Variants in PAPOLG observed in about 807,000 individuals in gnomAD.
The protein encoded by PAPOLG is poly(A) polymerase gamma.
In PAPOLG, 40 loss-of-function variants were observed where a neutral mutation model predicts 99.0. The observed-to-expected ratio is 0.40, with a 90% confidence interval of 0.31 to 0.53. PAPOLG has a LOEUF of 0.53. Ranked by LOEUF, PAPOLG falls within the 20% of genes least tolerant of loss-of-function variation. PAPOLG has a pLI of 0.41. For missense variants in PAPOLG, 675 were observed against 884.1 expected, an observed-to-expected ratio of 0.76 and a Z score of 3.00; for synonymous variants, 310 against 299.3, an observed-to-expected ratio of 1.04 and a Z score of -0.37.
Position 60,760,140 on chromosome 2 carries a change from C to T in PAPOLG, c.24C>T (p.Thr8=), listed in dbSNP as rs181836391. MKEMSAN[T]VLDSQRQQKH... Reference sequence around the variant, plus strand: ...TTCTTATTTTCTTGAACAGAAACACCGTGCTGGACAGCCAGCGTCAACAAA... The same window carrying T: ...TTCTTATTTTCTTGAACAGAAACACTGTGCTGGACAGCCAGCGTCAACAAA... Residue 8 remains threonine (T), a synonymous_variant, in exon 2 of 22, where the codon ACC becomes ACT. Coordinates refer to ENST00000238714, the MANE Select transcript of PAPOLG (RefSeq NM_022894.4). 4.7e-5 allele frequency: 76 copies of T among 1,613,158 alleles called. 1 individual carries two copies. In the Admixed American group the frequency reaches 6.2e-4, roughly 13 times the overall value.
chr2:60,777,619 A>G (rs1671062913), intron 8 of PAPOLG, among the ~76,000 whole-genome samples: 1 of 152,218 alleles, frequency 6.6e-6, no homozygotes, highest in Non-Finnish European at 1.5e-5. Context: ...TCGGACTATC[A>G]TAACTTTCAA....
At chr2:60,779,895 G>C in intron 9 of PAPOLG, 120 bp downstream of exon 9, 1 of 907,212 alleles carries the variant, frequency 1.1e-6, no homozygotes, top group Non-Finnish European at 1.6e-6. Context: ...TTGTAAAGTT[G>C]AAAGTATAAA....
At chr2:60,759,377 A>G (rs980300217) in intron 1 of PAPOLG, among the ~76,000 whole-genome samples, 1 of 152,052 alleles carries the variant, frequency 6.6e-6, no homozygotes, top group African/African-American at 2.4e-5. Context: ...CAAAAAAAAA[A>G]AGAAAAAAAA....
intron 13 of PAPOLG, 74 bp downstream of exon 13, chr2:60,783,283 A>G (rs1671250302): frequency 1.3e-6 from 1 of 788,206 alleles, no homozygotes; most frequent in African/African-American, 1.8e-5. Context: ...TTTACCATTT[A>G]TAAAGTACTT....
chr2:60,786,524 C>T (rs1671366844), intron 13 of PAPOLG, among the ~76,000 whole-genome samples: 1 of 150,492 alleles, frequency 6.6e-6, no homozygotes. Context: ...AGCCACTGCA[C>T]CTGGCCTGAA....
chr2:60,782,005 G>A lies in PAPOLG; in HGVS notation c.1027G>A (p.Gly343Ser). The change falls in exon 11 of 22, where the codon GGT becomes AGT. Residue 343 changes from glycine (G) to serine (S), a missense_variant and splice_region_variant. Physicochemically the swap from Gly to Ser is moderately conservative, Grantham distance 56. This residue lies in a region of PAPOLG where 113 missense variants were observed against 231.5 expected (regional missense o/e 0.49). Coordinates refer to ENST00000238714, the MANE Select transcript of PAPOLG (RefSeq NM_022894.4). ...AGTAATGGTAGAAGAATTTAAACAA[G>A]GTAAACATGTGGCCCTGTTGCCCTT... ...RTVMVEEFKQ[G>S]LAVTDEILQG... 2 of 1,613,434 alleles carry A rather than the reference G, an allele frequency of 1.2e-6. No homozygotes were observed. The highest frequency in any genetic ancestry group is 1.1e-5 in the South Asian group (1 of 91,056).
chr2:60,765,411 T>TTTA (rs1670648249), intron 3 of PAPOLG, among the ~76,000 whole-genome samples: 1 of 146,552 alleles, frequency 6.8e-6, no homozygotes, highest in Non-Finnish European at 1.5e-5. Context: ...TTTTTGATTT[T>TTTA]AAAAAAAAAA....
At chr2:60,794,388 C>T (rs1468317291) in intron 19 of PAPOLG, 197 bp downstream of exon 19, 2 of 641,306 alleles carry the variant, frequency 3.1e-6, no homozygotes, top group Non-Finnish European at 5.2e-6. Context: ...AATGATTGGT[C>T]TGAGTTTCTC....
chr2:60,775,803 C>T (rs148967311), intron 8 of PAPOLG, among the ~76,000 whole-genome samples: 2,113 of 150,828 alleles, frequency 0.014, 52 homozygotes, highest in African/African-American at 0.049. Context: ...CTTGCTCTGT[C>T]GCCAAGGCTG....
rs1671232352 is a variant in PAPOLG at position 60,782,768 on chromosome 2, T to C, written c.1110T>C (p.Tyr370=). 3 of 1,561,806 alleles carry C rather than the reference T, an allele frequency of 1.9e-6. No individual in the cohort carries two copies. Among genetic ancestry groups the C allele is most frequent in the Admixed American group, 2.1e-5 (1 of 46,760 alleles). Residue 370 remains tyrosine, a splice_region_variant and synonymous_variant, in exon 12 of 22, where the codon TAT becomes TAC. Coordinates refer to ENST00000238714, the MANE Select transcript of PAPOLG (RefSeq NM_022894.4). ...AGCCACCGAATTTCTTTCAAAAGTATAGGTACGTGAAATTTTGTATTTTGT... is the reference window on the plus strand; with the variant it reads ...AGCCACCGAATTTCTTTCAAAAGTACAGGTACGTGAAATTTTGTATTTTGT... ...LLEPPNFFQK[Y]RHYIVLTASA...
chr2:60,782,803 ATT>A (rs139543059), intron 12 of PAPOLG, 33 bp downstream of exon 12: 1,790 of 1,213,630 alleles, frequency 1.5e-3, no homozygotes, highest in Non-Finnish European at 1.5e-3. Flanking sequence ...TATGTATGTG[ATT>A]TTTTTTTTTT....
At chr2:60,794,439 T>C in intron 19 of PAPOLG, 1 of 575,124 alleles carries the variant, frequency 1.7e-6, no homozygotes, top group Non-Finnish European at 3.0e-6. Flanking sequence ...AAATCTCATT[T>C]CTTGTGTGTT....
intron 6 of PAPOLG, among the ~76,000 whole-genome samples, chr2:60,770,875 G>C (rs1573228218): frequency 1.3e-5 from 2 of 152,136 alleles, no homozygotes; most frequent in East Asian, 3.9e-4. Context: ...CGCCCACCTT[G>C]GCCTCCCAAA....
intron 7 of PAPOLG, among the ~76,000 whole-genome samples, chr2:60,773,340 C>A (rs780837740): frequency 6.6e-6 from 1 of 152,192 alleles, no homozygotes; most frequent in Non-Finnish European, 1.5e-5. Context: ...CAGGCAACCA[C>A]TAATCTGCTT....
chr2:60,780,330 G>A (rs1671151305), intron 9 of PAPOLG, among the ~76,000 whole-genome samples: 2 of 148,820 alleles, frequency 1.3e-5, no homozygotes, highest in African/African-American at 2.5e-5. Context: ...GCCCAGGCTA[G>A]AGTGCATGCA....
chr2:60,776,363 A>T (rs980787320), intron 8 of PAPOLG, among the ~76,000 whole-genome samples: 7 of 149,118 alleles, frequency 4.7e-5, no homozygotes, highest in Non-Finnish European at 7.4e-5. Context: ...CAGTAGAGTG[A>T]GCATCATTCT....
At chr2:60,794,527 C>G in intron 19 of PAPOLG, 183 bp from the exon 20 acceptor site, 1 of 616,200 alleles carries the variant, frequency 1.6e-6, no homozygotes, top group Non-Finnish European at 2.8e-6. Context: ...AAAGATCACC[C>G]AAACTGTAGA....
intron 10 of PAPOLG, 146 bp from the exon 11 acceptor site, chr2:60,781,739 G>A: frequency 1.0e-6 from 1 of 991,468 alleles, no homozygotes; most frequent in Non-Finnish European, 1.5e-6. Context: ...AGAAATAAAT[G>A]CAGTTGGGGA....
intron 7 of PAPOLG, among the ~76,000 whole-genome samples, chr2:60,773,779 A>G (rs1186808790): frequency 1.3e-5 from 2 of 152,110 alleles, no homozygotes; most frequent in Admixed American, 6.5e-5. Flanking sequence ...ATAGTAACAG[A>G]TAAAAGTTGT....
Sources: gnomAD v4.1 joint callset for allele counts (sites outside exome capture counted in the v4.1 genomes callset) on GRCh38, gnomAD v4.1.1 for gene constraint, gnomAD v4.1.1 regional missense constraint, MANE v1.5 for transcripts, NCBI Gene and HGNC (gene_info 2026-07-23, HGNC 2026-07-21) for gene names.